The following RTRAF variants were observed in gnomAD, a reference collection of about 807,000 sequenced individuals.
RTRAF encodes tRNA-splicing ligase complex subunit RTRAF.
RTRAF carries 14 observed loss-of-function variants against 34.4 expected under a neutral mutation model. The ratio of observed to expected loss-of-function variants is 0.41; its 90% CI spans 0.27 to 0.64. The LOEUF (loss-of-function observed/expected upper bound fraction) is 0.64. RTRAF is among the 30% of genes least tolerant of loss of function. RTRAF has a pLI of 0.34. For missense variants in RTRAF, 291 were observed against 288.4 expected (o/e 1.01, Z -0.06); for synonymous variants, 96 against 95.3 (o/e 1.01, Z -0.04).
At position 52,004,576 on chromosome 14, in the gene RTRAF, C is replaced by G; in HGVS notation, c.*60C>G. 6.8e-7 allele frequency: 1 copy of G among 1,465,158 alleles called. No individual in the cohort carries two copies. Among genetic ancestry groups the G allele is most frequent in the Middle Eastern group, 2.5e-4 (1 of 3,954 alleles). 90.8% of individuals were successfully genotyped at this position (1,465,158 alleles called of 1,614,324 possible). A position where few individuals can be genotyped will look rare whatever the true frequency, so the allele number is the denominator to read the frequency against. On this transcript the variant is annotated 3_prime_UTR_variant, in exon 8 of 8. Coordinates refer to ENST00000261700, the MANE Select transcript of RTRAF (RefSeq NM_016039.3). ...ACAGTTGGGAACCATACACTTCTGG[C>G]ATGTTTGGAAATCAAAATGTCACAT...
chr14:52,005,162 TAAACTC>T lies in RTRAF; in HGVS notation c.*647_*652del, dbSNP rs1214227646. The stretch of plus-strand genomic sequence containing the variant: ...ATGGCAAAAATCAGGTTTAGAGTCT[TAAACTC>T]TAATTCTTAGTTGAATGAATTTGAT... On this transcript the variant is annotated 3_prime_UTR_variant, in exon 8 of 8. Coordinates refer to ENST00000261700, the MANE Select transcript of RTRAF (RefSeq NM_016039.3). The T allele has an allele frequency of 1.5e-4, 34 of 227,806 alleles. No individual in the cohort carries two copies. The highest frequency in any genetic ancestry group is 1.4e-3 in the Middle Eastern group (1 of 706). 14.1% of individuals were successfully genotyped at this position (227,806 alleles called of 1,614,324 possible).
chr14:52,006,699 C>G lies in RTRAF; in HGVS notation c.*2183C>G. ...GGGGGAAAATGAGGTCCTTCAGCTGCTTTGCCAAAAATGATAGTGACATAG... is the reference window on the plus strand; with the variant it reads ...GGGGGAAAATGAGGTCCTTCAGCTGGTTTGCCAAAAATGATAGTGACATAG... On this transcript the variant is annotated 3_prime_UTR_variant, in exon 8 of 8. Coordinates refer to ENST00000261700, the MANE Select transcript of RTRAF (RefSeq NM_016039.3). 6.2e-7 allele frequency: 1 copy of G among 1,608,696 alleles called. No individual in the cohort carries two copies. Among genetic ancestry groups the G allele is most frequent in the East Asian group, 2.2e-5 (1 of 44,774 alleles).
chr14:52,001,764 C>T, intron 5 of RTRAF, 34 bp from the exon 6 acceptor site: 2 of 1,579,910 alleles, frequency 1.3e-6, no homozygotes, highest in Non-Finnish European at 1.7e-6. Context: ...GGTACACAGC[C>T]TATAAAAAGT....
At chr14:51,992,846 C>G (rs188273585) in intron 2 of RTRAF, among the ~76,000 whole-genome samples, 1 of 152,126 alleles carries the variant, frequency 6.6e-6, no homozygotes, top group Non-Finnish European at 1.5e-5. Context: ...GCCGGGCCAA[C>G]GTGGCGAAAC....
At chr14:52,000,810 T>A (rs55671179) in intron 5 of RTRAF, among the ~76,000 whole-genome samples, 146 of 152,324 alleles carry the variant, frequency 9.6e-4, no homozygotes, top group Middle Eastern at 6.8e-3. Context: ...TCTATAGTGA[T>A]CATGTCAGCT....
chr14:51,998,627 T>C, intron 4 of RTRAF, 47 bp downstream of exon 4: 1 of 1,286,916 alleles, frequency 7.8e-7, no homozygotes, highest in Non-Finnish European at 1.1e-6. Context: ...TTTTGGTTTT[T>C]TAAATGTTTT....
rs1239571504 is a variant in RTRAF at position 52,008,610 on chromosome 14, T to G, written c.*4094T>G. 6.6e-6 allele frequency: 1 copy of G among 152,202 alleles called. No homozygotes were observed. 9.4% of individuals were successfully genotyped at this position (152,202 alleles called of 1,614,324 possible). A position where few individuals can be genotyped will look rare whatever the true frequency, so the allele number is the denominator to read the frequency against. On this transcript the variant is annotated 3_prime_UTR_variant, in exon 8 of 8. Coordinates refer to ENST00000261700, the MANE Select transcript of RTRAF (RefSeq NM_016039.3). ...GATTATTGTCACTATGTGGGAGAAG[T>G]CATTACTAAGTTACTATCAGAATCC...
In RTRAF at chr14:52,005,516, G is replaced by T; in HGVS notation, c.*1000G>T. ...TTCTTCCTGTGAGAGAAGAGCAGGG[G>T]TGGGACAGGGTGGTGGGTGAGTATA... On this transcript the variant is annotated 3_prime_UTR_variant, in exon 8 of 8. Coordinates refer to ENST00000261700, the MANE Select transcript of RTRAF (RefSeq NM_016039.3). The T allele has an allele frequency of 6.3e-7, 1 of 1,594,340 alleles. No individual in the cohort carries two copies.
intron 5 of RTRAF, 145 bp from the exon 6 acceptor site, chr14:52,001,653 T>A (rs551660886): frequency 3.7e-5 from 24 of 640,596 alleles, no homozygotes; most frequent in Middle Eastern, 3.3e-4. Context: ...GGGTTTTTTT[T>A]ATTTTTAATT....
At position 52,008,974 on chromosome 14, in the gene RTRAF, A is replaced by G. The variant is rs1464643085; in HGVS notation, c.*4458A>G. 6.6e-6 allele frequency: 1 copy of G among 152,256 alleles called. No homozygotes were observed. Among genetic ancestry groups the G allele is most frequent in the African/African-American group, 2.4e-5 (1 of 41,470 alleles). 9.4% of individuals were successfully genotyped at this position (152,256 alleles called of 1,614,324 possible). ...TGGTCCTATTAAGTGGAAATAGGTT[A>G]TAAGGAAACAAACAGGTTTATCGTT... On this transcript the variant is annotated 3_prime_UTR_variant, in exon 8 of 8. Transcript: ENST00000261700.
intron 1 of RTRAF, among the ~76,000 whole-genome samples, chr14:51,990,274 C>G (rs1057495073): frequency 1.3e-5 from 2 of 152,156 alleles, no homozygotes; most frequent in African/African-American, 4.8e-5. Flanking sequence ...AAGTTAATAG[C>G]AGATGAGTGG....
intron 6 of RTRAF, among the ~76,000 whole-genome samples, chr14:52,002,771 T>C (rs1489639031): frequency 5.3e-5 from 8 of 152,082 alleles, no homozygotes; most frequent in Admixed American, 3.9e-4. Context: ...CCTGCGCCCT[T>C]CCCCCATCTC....
At position 52,005,935 on chromosome 14, in the gene RTRAF, G is replaced by A; in HGVS notation, c.*1419G>A. The A allele has an allele frequency of 9.8e-7, 1 of 1,019,036 alleles. No individual in the cohort carries two copies. The highest frequency in any genetic ancestry group is 1.5e-6 in the Non-Finnish European group (1 of 652,808). The allele number at this position is 1,019,036 out of a possible 1,614,324, so 63.1% of individuals were successfully genotyped here. ...CAGCCACAGAAAATCAGTTGCAATA[G>A]AGGAAAATTTCTGGCAGCCTTCTCT... On this transcript the variant is annotated 3_prime_UTR_variant, in exon 8 of 8. Transcript: ENST00000261700.
In RTRAF at chr14:52,008,117, C is replaced by T. The variant is rs1019179902; in HGVS notation, c.*3601C>T. On this transcript the variant is annotated 3_prime_UTR_variant, in exon 8 of 8. Coordinates refer to ENST00000261700, the MANE Select transcript of RTRAF (RefSeq NM_016039.3). ...GGGCTGCATTAGTAGTGTCTTGCTT[C>T]TTCTAGTGCATAGAGTATAGCAGAA... The T allele has an allele frequency of 4.9e-6, 3 of 607,802 alleles. No homozygotes were observed. The African/African-American group carries it at 5.6e-5, about 11-fold the overall frequency. 37.7% of individuals were successfully genotyped at this position (607,802 alleles called of 1,614,324 possible).
rs531723112 is a variant in RTRAF at position 52,005,314 on chromosome 14, T to C, written c.*798T>C. The C allele has an allele frequency of 2.1e-5, 10 of 470,294 alleles. No homozygotes were observed. The highest frequency in any genetic ancestry group is 7.8e-5 in the Admixed American group (2 of 25,776). The allele number at this position is 470,294 out of a possible 1,614,324, so 29.1% of individuals were successfully genotyped here. A position where few individuals can be genotyped will look rare whatever the true frequency, so the allele number is the denominator to read the frequency against. Reference sequence around the variant, plus strand: ...ATTTTTAAAAATACAGTAGTAAAGATTGAGGTATCAGCTTTTCACAAAAGT... The same window carrying C: ...ATTTTTAAAAATACAGTAGTAAAGACTGAGGTATCAGCTTTTCACAAAAGT... On this transcript the variant is annotated 3_prime_UTR_variant, in exon 8 of 8. Transcript: ENST00000261700.
chr14:52,008,537 A>C lies in RTRAF; in HGVS notation c.*4021A>C, dbSNP rs1348282688. The C allele has an allele frequency of 2.0e-5, 3 of 152,214 alleles. No homozygotes were observed. Among genetic ancestry groups the C allele is most frequent in the Non-Finnish European group, 2.9e-5 (2 of 68,074 alleles). 9.4% of individuals were successfully genotyped at this position (152,214 alleles called of 1,614,324 possible). A position where few individuals can be genotyped will look rare whatever the true frequency, so the allele number is the denominator to read the frequency against. On this transcript the variant is annotated 3_prime_UTR_variant, in exon 8 of 8. Coordinates refer to ENST00000261700, the MANE Select transcript of RTRAF (RefSeq NM_016039.3). The stretch of plus-strand genomic sequence containing the variant: ...GCAATTTCTTACACAGCAGTAGGTA[A>C]CTAATACACAGCCATATTCCACTTT...
At chr14:51,990,635 G>C (rs368671058) in intron 1 of RTRAF, among the ~76,000 whole-genome samples, 2 of 152,186 alleles carry the variant, frequency 1.3e-5, no homozygotes, top group Non-Finnish European at 2.9e-5. Context: ...TGACAATAGA[G>C]CCTTGTTCTG....
chr14:52,005,432 T>C lies in RTRAF; in HGVS notation c.*916T>C. ...TTCTTTGCCTTTGCAGTCACTGTTCTTTAGGGTCCAGGTTCTGATTGTAAA... is the reference window on the plus strand; with the variant it reads ...TTCTTTGCCTTTGCAGTCACTGTTCCTTAGGGTCCAGGTTCTGATTGTAAA... On this transcript the variant is annotated 3_prime_UTR_variant, in exon 8 of 8. Coordinates refer to ENST00000261700, the MANE Select transcript of RTRAF (RefSeq NM_016039.3). The C allele has an allele frequency of 2.0e-6, 3 of 1,513,318 alleles. No individual in the cohort carries two copies. Among genetic ancestry groups the C allele is most frequent in the Non-Finnish European group, 1.8e-6 (2 of 1,129,878 alleles). The allele number at this position is 1,513,318 out of a possible 1,614,324, so 93.7% of individuals were successfully genotyped here.
At chr14:51,994,425 T>C (rs2474659) in intron 3 of RTRAF, among the ~76,000 whole-genome samples, 1 of 152,218 alleles carries the variant, frequency 6.6e-6, no homozygotes, top group African/African-American at 2.4e-5. Flanking sequence ...TTAGTTACAG[T>C]CTTCTTAATT....
Sources: gnomAD v4.1 joint callset for allele counts (sites outside exome capture counted in the v4.1 genomes callset) on GRCh38, gnomAD v4.1.1 for gene constraint, MANE v1.5 for transcripts, NCBI Gene and HGNC (gene_info 2026-07-23, HGNC 2026-07-21) for gene names.